AFF3: variants seen among roughly 807,000 people sequenced by gnomAD.
AFF3 encodes the protein AF4/FMR2 family member 3.
In AFF3, 32 loss-of-function variants were observed where a neutral mutation model predicts 129.7. The observed-to-expected ratio is 0.25, with a 90% confidence interval of 0.19 to 0.33. AFF3 has a LOEUF of 0.33. Among genes scored for constraint, AFF3 ranks in the 10% least tolerant of loss-of-function variants. The pLI, the probability that AFF3 is intolerant of heterozygous loss-of-function variation, is 1.00. For synonymous variants in AFF3, 644 were observed against 635.4 expected (o/e 1.01, Z -0.20); for missense variants, 1,373 against 1,592.0 (o/e 0.86, Z 2.34).
chr2:100,022,766 G>A (rs111507931), intron 4 of AFF3, among the ~76,000 whole-genome samples: 134 of 152,264 alleles, frequency 8.8e-4, no homozygotes, highest in South Asian at 3.5e-3. Context: ...CAAGTCCAAT[G>A]CCACAGGCAA....
chr2:99,878,326 C>T (rs545544539), intron 7 of AFF3, among the ~76,000 whole-genome samples: 18 of 152,254 alleles, frequency 1.2e-4, no homozygotes, highest in South Asian at 4.2e-4. Flanking sequence ...TGCAATGGAA[C>T]GCTCTTCCCT....
intron 13 of AFF3, among the ~76,000 whole-genome samples, chr2:99,643,091 G>A (rs370543179): frequency 2.6e-5 from 3 of 116,206 alleles, no homozygotes; most frequent in African/African-American, 3.4e-5. Flanking sequence ...ACAGAGTCTC[G>A]CTCTGTCATC....
chr2:99,674,062 T>A (rs544156339), intron 11 of AFF3, among the ~76,000 whole-genome samples: 4 of 152,308 alleles, frequency 2.6e-5, no homozygotes, highest in African/African-American at 4.8e-5. Context: ...TTCTAAGTAG[T>A]TTTTAGGGTA....
rs1679835743 is a variant in AFF3 at position 99,601,539 on chromosome 2, T to TGCTGCTGCC, written c.1258_1266dup (p.Gly420_Ser422dup). ...CTGCTCTCTGAGTCGCTGGAGGAGC[T>TGCTGCTGCC]GCTGCTGCCGCTGCTGCTGCTGCTG... On this transcript the variant is annotated inframe_insertion, in exon 14 of 25. Transcript: ENST00000672756. 3.1e-6 allele frequency: 5 copies of TGCTGCTGCC among 1,602,864 alleles called. No individual in the cohort carries two copies. The highest frequency in any genetic ancestry group is 1.1e-5 in the South Asian group (1 of 89,300).
At chr2:99,794,204 T>G (rs1685409651) in intron 8 of AFF3, among the ~76,000 whole-genome samples, 1 of 152,270 alleles carries the variant, frequency 6.6e-6, no homozygotes, top group Non-Finnish European at 1.5e-5. Context: ...TCACATTTGC[T>G]GCTTCTTTTT....
rs193006526 is a variant in AFF3 at position 100,062,563 on chromosome 2, G to A, written c.53+41839C>T. Reference sequence around the variant, plus strand: ...CTGGGAGGCTGGGCCTCAGCTCTGTGGCTGGGTGGGGGAACTAAACTAAAA... The same window carrying A: ...CTGGGAGGCTGGGCCTCAGCTCTGTAGCTGGGTGGGGGAACTAAACTAAAA... On this transcript the variant is annotated intron_variant, in intron 4 of 24. Coordinates refer to ENST00000672756, the MANE Select transcript of AFF3 (RefSeq NM_001386135.1). 4.3e-3 allele frequency among the ~76,000 whole-genome samples: 662 copies of A among 152,266 alleles called. 1 individual carries two copies. Among genetic ancestry groups the A allele is most frequent in the Middle Eastern group, 0.017 (5 of 294 alleles).
intron 11 of AFF3, among the ~76,000 whole-genome samples, chr2:99,710,401 C>T (rs1318022514): frequency 6.6e-6 from 1 of 152,064 alleles, no homozygotes; most frequent in Non-Finnish European, 1.5e-5. Flanking sequence ...GGATTACAGG[C>T]GTGCGCTACC....
intron 8 of AFF3, among the ~76,000 whole-genome samples, chr2:99,832,130 T>C (rs1211422813): frequency 6.6e-6 from 1 of 152,234 alleles, no homozygotes; most frequent in Non-Finnish European, 1.5e-5. Flanking sequence ...GAAAAGATAT[T>C]GACTGCAGTA....
At chr2:99,610,489 T>C (rs1036453087) in intron 13 of AFF3, among the ~76,000 whole-genome samples, 5 of 152,228 alleles carry the variant, frequency 3.3e-5, no homozygotes, top group African/African-American at 7.2e-5. Flanking sequence ...GAGCCATCCA[T>C]GATTTTTAAT....
At chr2:100,127,518 C>T (rs752821796) in intron 2 of AFF3, among the ~76,000 whole-genome samples, 95 of 152,160 alleles carry the variant, frequency 6.2e-4, no homozygotes, top group Admixed American at 3.3e-4. Flanking sequence ...CTGTGGAGTC[C>T]CTGACCTCCG....
At chr2:99,578,567 GTAT>G (rs1677215399) in intron 17 of AFF3, 116 bp from the exon 18 acceptor site, 17 of 1,441,826 alleles carry the variant, frequency 1.2e-5, no homozygotes, top group Non-Finnish European at 1.6e-5. Flanking sequence ...TTTGTGTGCT[GTAT>G]TAGAATTGAT....
At chr2:99,827,191 A>G (rs1439420495) in intron 8 of AFF3, among the ~76,000 whole-genome samples, 1 of 152,180 alleles carries the variant, frequency 6.6e-6, no homozygotes, top group Non-Finnish European at 1.5e-5. Flanking sequence ...TGTTTGAGAC[A>G]CACTTGAGAC....
At chr2:99,966,920 T>A (rs1017313119) in intron 7 of AFF3, among the ~76,000 whole-genome samples, 14 of 152,078 alleles carry the variant, frequency 9.2e-5, no homozygotes, top group African/African-American at 1.9e-4. Flanking sequence ...AAATTGATTA[T>A]GGGAAGGAAT....
In AFF3 at chr2:99,593,850, C is replaced by T. The variant is rs768129401; in HGVS notation, c.1811G>A (p.Arg604Gln). The change falls in exon 15 of 25, where the codon CGG becomes CAG. Residue 604 changes from arginine (R) to glutamine (Q), a missense_variant. By Grantham distance (43) the Arg-to-Gln change is conservative (BLOSUM62 1). Coordinates refer to ENST00000672756, the MANE Select transcript of AFF3 (RefSeq NM_001386135.1). ...GTCCGCGGCCGCGGGCTCCTCGGGC[C>T]GGTGGCAGTTGGCGCCGTCCCCGGC... Reference protein sequence around the residue: ...TSAGDGANCHRPEEPAAADAL... With the variant: ...TSAGDGANCHQPEEPAAADAL... 89 of 1,591,620 alleles carry T rather than the reference C, an allele frequency of 5.6e-5. No homozygotes were observed. The highest frequency in any genetic ancestry group is 7.2e-5 in the Non-Finnish European group (84 of 1,171,476).
At chr2:99,853,391 T>C (rs1463346142) in intron 7 of AFF3, among the ~76,000 whole-genome samples, 1 of 152,186 alleles carries the variant, frequency 6.6e-6, no homozygotes, top group Non-Finnish European at 1.5e-5. Context: ...CTTTCTGAAG[T>C]AGAAATAAGA....
intron 7 of AFF3, among the ~76,000 whole-genome samples, chr2:99,839,329 C>T (rs1428434212): frequency 6.6e-6 from 1 of 151,922 alleles, no homozygotes; most frequent in African/African-American, 2.4e-5. Flanking sequence ...AGGCTGGTCT[C>T]AAACTCCTGA....
At chr2:99,744,480 C>A (rs1680974894) in intron 9 of AFF3, among the ~76,000 whole-genome samples, 1 of 152,160 alleles carries the variant, frequency 6.6e-6, no homozygotes, top group South Asian at 2.1e-4. Flanking sequence ...TATCTAGTTA[C>A]AAAATATTTC....
rs760596670 is a variant in AFF3, at chr2:99,928,391, G to A, written c.873+78241C>T. ...CTTGAATACAAGTTCAAGGAAGCTT[G>A]AACTTGTTCCTTGAATACAAGCTCT... On this transcript the variant is annotated intron_variant, in intron 7 of 24. Coordinates refer to ENST00000672756, the MANE Select transcript of AFF3 (RefSeq NM_001386135.1). Among the ~76,000 whole-genome samples the A allele has an allele frequency of 3.9e-5, 6 of 152,272 alleles. 1 individual carries two copies. Among genetic ancestry groups the A allele is most frequent in the Admixed American group, 3.9e-4 (6 of 15,302 alleles).
At chr2:99,889,575 C>T (rs1693386503) in intron 7 of AFF3, among the ~76,000 whole-genome samples, 1 of 152,150 alleles carries the variant, frequency 6.6e-6, no homozygotes, top group African/African-American at 2.4e-5. Flanking sequence ...AGCTATAATG[C>T]TATCTTTAAA....
Sources: gnomAD v4.1 joint callset for allele counts (sites outside exome capture counted in the v4.1 genomes callset) on GRCh38, gnomAD v4.1.1 for gene constraint, MANE v1.5 for transcripts, NCBI Gene and HGNC (gene_info 2026-07-23, HGNC 2026-07-21) for gene names.